SMARCA5: variants seen among roughly 807,000 people sequenced by gnomAD.
SMARCA5 encodes SWI/SNF-related matrix-associated actin-dependent regulator of chromatin subfamily A member 5.
SMARCA5 carries 18 observed loss-of-function variants against 140.4 expected under a neutral mutation model. The ratio of observed to expected loss-of-function variants is 0.13; its 90% CI spans 0.09 to 0.19. The LOEUF (loss-of-function observed/expected upper bound fraction) is 0.19. Among genes scored for constraint, SMARCA5 ranks in the 10% least tolerant of loss-of-function variants. The pLI is 1.00. For missense variants in SMARCA5, 606 were observed against 1,276.8 expected, an observed-to-expected ratio of 0.47 and a Z score of 8.01; for synonymous variants, 449 against 419.6, an observed-to-expected ratio of 1.07 and a Z score of -0.86.
Position 143,550,087 on chromosome 4 carries a change from C to G in SMARCA5, c.3076C>G (p.Arg1026Gly). ...EEKEKAEKKK[R>G]GPKPSTQKRK... ...AAAGGAGAAGGCAGAGAAAAAGAAACGAGGACCAAAGCCTTCAGTAAGTAT... is the reference window on the plus strand; with the variant it reads ...AAAGGAGAAGGCAGAGAAAAAGAAAGGAGGACCAAAGCCTTCAGTAAGTAT... The change falls in exon 23 of 24, where the codon CGA becomes GGA. Residue 1026 changes from arginine (R) to glycine (G), a missense_variant. Arg to Gly is a moderately radical substitution (Grantham distance 125). Transcript: ENST00000283131. 1 of 1,575,266 alleles carries G rather than the reference C, an allele frequency of 6.3e-7. No individual in the cohort carries two copies.
intron 23 of SMARCA5, among the ~76,000 whole-genome samples, chr4:143,552,095 A>G (rs1340442149): frequency 3.3e-5 from 5 of 151,952 alleles, no homozygotes; most frequent in South Asian, 4.1e-4. Flanking sequence ...TCAGTGTTTT[A>G]TAGTTTATCT....
At chr4:143,545,627 T>C in intron 18 of SMARCA5, 44 bp downstream of exon 18, 1 of 1,139,672 alleles carries the variant, frequency 8.8e-7, no homozygotes, top group South Asian at 1.3e-5. Flanking sequence ...TATCCAGAAA[T>C]TATGGAAGGT....
At chr4:143,515,898 C>T (rs1024575361) in intron 1 of SMARCA5, among the ~76,000 whole-genome samples, 1 of 151,740 alleles carries the variant, frequency 6.6e-6, no homozygotes, top group Non-Finnish European at 1.5e-5. Context: ...TTATTTTTAC[C>T]TTCCTAGTAT....
At chr4:143,528,085 T>C in intron 7 of SMARCA5, 62 bp downstream of exon 7, 1 of 1,350,718 alleles carries the variant, frequency 7.4e-7, no homozygotes, top group Non-Finnish European at 9.9e-7. Context: ...TACAGATTTT[T>C]TTTTCTTTTA....
intron 20 of SMARCA5, 86 bp downstream of exon 20, chr4:143,546,994 C>A: frequency 7.7e-7 from 1 of 1,295,852 alleles, no homozygotes; most frequent in Non-Finnish European, 1.1e-6. Flanking sequence ...TTGTGATTAG[C>A]TAATTTTGTC....
At chr4:143,533,529 A>G (rs905535166) in intron 9 of SMARCA5, among the ~76,000 whole-genome samples, 4 of 115,230 alleles carry the variant, frequency 3.5e-5, no homozygotes, top group Admixed American at 3.2e-4. Context: ...TTTTTTTGAG[A>G]TGGAGTCTAG....
In SMARCA5 at chr4:143,555,143, C is replaced by T. The variant is rs1737722053; in HGVS notation, c.*1959C>T. 1 of 703,816 alleles carries T rather than the reference C, an allele frequency of 1.4e-6. No individual in the cohort carries two copies. The highest frequency in any genetic ancestry group is 1.4e-5 in the South Asian group (1 of 73,512). 43.6% of individuals were successfully genotyped at this position (703,816 alleles called of 1,614,324 possible). On this transcript the variant is annotated 3_prime_UTR_variant, in exon 24 of 24. Coordinates refer to ENST00000283131, the MANE Select transcript of SMARCA5 (RefSeq NM_003601.4). ...ACTGGAACTGCCTTAACCACTACTG[C>T]TACTGGAACTGCCTTAGCCACCTTG... is the stretch of plus-strand genomic sequence containing the variant.
At chr4:143,522,829 T>TA (rs1196952802) in intron 3 of SMARCA5, among the ~76,000 whole-genome samples, 2 of 152,102 alleles carry the variant, frequency 1.3e-5, no homozygotes, top group Admixed American at 6.5e-5. Context: ...TTATCTTTTT[T>TA]ATAAGATAAA....
intron 5 of SMARCA5, among the ~76,000 whole-genome samples, chr4:143,525,964 A>G (rs1309627895): frequency 6.6e-6 from 1 of 152,232 alleles, no homozygotes; most frequent in Non-Finnish European, 1.5e-5. Context: ...CCTTATTGCT[A>G]TAATGCTAAA....
chr4:143,519,190 T>A (rs1736905161), intron 2 of SMARCA5, among the ~76,000 whole-genome samples: 1 of 152,134 alleles, frequency 6.6e-6, no homozygotes, highest in Non-Finnish European at 1.5e-5. Flanking sequence ...TACCTCTTAC[T>A]TGAGAATATC....
intron 1 of SMARCA5, chr4:143,514,346 A>G (rs1736777176): frequency 2.1e-6 from 1 of 479,580 alleles, no homozygotes; most frequent in Non-Finnish European, 3.7e-6. Context: ...AATCCTGACA[A>G]ATATTTGAAC....
At chr4:143,548,346 A>G (rs764119584) in intron 22 of SMARCA5, 1 of 383,848 alleles carries the variant, frequency 2.6e-6, no homozygotes, top group Non-Finnish European at 4.7e-6. Flanking sequence ...TCACTATATG[A>G]TAAGACTAGC....
chr4:143,543,710 C>T (rs531737892), intron 15 of SMARCA5, 53 bp downstream of exon 15: 1 of 1,535,168 alleles, frequency 6.5e-7, no homozygotes, highest in Non-Finnish European at 8.9e-7. Context: ...AGACCAGAAA[C>T]AGGAAATATT....
chr4:143,519,469 AAC>A (rs1736910880), intron 2 of SMARCA5, among the ~76,000 whole-genome samples: 2 of 152,138 alleles, frequency 1.3e-5, no homozygotes, highest in Non-Finnish European at 2.9e-5. Flanking sequence ...TGTTATTTAT[AAC>A]ACAAATTTGA....
intron 22 of SMARCA5, among the ~76,000 whole-genome samples, chr4:143,549,033 G>T (rs1448118725): frequency 6.6e-6 from 1 of 152,036 alleles, no homozygotes; most frequent in East Asian, 1.9e-4. Context: ...TATAATTAGA[G>T]AAAAGATCCA....
chr4:143,557,252 T>G lies in SMARCA5; in HGVS notation c.*4068T>G, dbSNP rs915866672. 5 of 152,218 alleles carry G rather than the reference T, an allele frequency of 3.3e-5. No homozygotes were observed. The highest frequency in any genetic ancestry group is 4.8e-5 in the African/African-American group (2 of 41,454). The allele number at this position is 152,218 out of a possible 1,614,324, so 9.4% of individuals were successfully genotyped here. ...GTATCTCCAGTACAAGAAGAAAGTTTATCAGAATTTAGTTAATGTTGGAAA... is the reference window on the plus strand; with the variant it reads ...GTATCTCCAGTACAAGAAGAAAGTTGATCAGAATTTAGTTAATGTTGGAAA... On this transcript the variant is annotated 3_prime_UTR_variant, in exon 24 of 24. Transcript: ENST00000283131.
At position 143,513,867 on chromosome 4, in the gene SMARCA5, C is replaced by A. The variant is rs950948940; in HGVS notation, c.-58C>A. 2 of 1,514,958 alleles carry A rather than the reference C, an allele frequency of 1.3e-6. No homozygotes were observed. Among genetic ancestry groups the A allele is most frequent in the East Asian group, 2.5e-5 (1 of 40,442 alleles). 93.8% of individuals were successfully genotyped at this position (1,514,958 alleles called of 1,614,324 possible). On this transcript the variant is annotated 5_prime_UTR_variant, in exon 1 of 24. Transcript: ENST00000283131. ...CGTAGCATCCAGGCCTAGGCCTCCC[C>A]GTCCATCCCCGCCGGACTCGGGCCT... is the stretch of plus-strand genomic sequence containing the variant.
chr4:143,532,575 T>C (rs1302675656), intron 9 of SMARCA5, among the ~76,000 whole-genome samples: 1 of 152,210 alleles, frequency 6.6e-6, no homozygotes, highest in Admixed American at 6.5e-5. Context: ...TGTGGTCTTA[T>C]AATGAAAGGA....
chr4:143,547,053 TTC>T, intron 20 of SMARCA5, 145 bp downstream of exon 20: 2 of 823,388 alleles, frequency 2.4e-6, no homozygotes, highest in Admixed American at 6.7e-5. Flanking sequence ...TTAGAAAATG[TTC>T]TGTTTCCAGA....
Sources: gnomAD v4.1 joint callset for allele counts (sites outside exome capture counted in the v4.1 genomes callset) on GRCh38, gnomAD v4.1.1 for gene constraint, MANE v1.5 for transcripts, NCBI Gene and HGNC (gene_info 2026-07-23, HGNC 2026-07-21) for gene names.